RSPO3: variants seen among roughly 807,000 people sequenced by gnomAD.
The protein encoded by RSPO3 is R-spondin-3.
Under a neutral mutation model 36.5 loss-of-function variants are expected in RSPO3, and 17 were observed. The observed-to-expected ratio is 0.47, with a 90% CI of 0.32 to 0.70. The LOEUF is 0.70. Ranked by LOEUF, RSPO3 falls within the 30% of genes least tolerant of loss-of-function variation. The pLI is 0.04. For missense variants in RSPO3, 294 were observed against 322.5 expected, an observed-to-expected ratio of 0.91 and a Z score of 0.68; for synonymous variants, 108 against 107.0, an observed-to-expected ratio of 1.01 and a Z score of -0.06.
At chr6:127,166,070 T>G (rs1774815511) in intron 4 of RSPO3, among the ~76,000 whole-genome samples, 1 of 151,994 alleles carries the variant, frequency 6.6e-6, no homozygotes, top group South Asian at 2.1e-4. Context: ...CCATAGAGAA[T>G]GAATATATTA....
intron 1 of RSPO3, 77 bp downstream of exon 1, chr6:127,119,366 G>A (rs1163750640): frequency 5.7e-6 from 6 of 1,044,196 alleles, no homozygotes; most frequent in South Asian, 1.4e-5. Context: ...GTCCGGAGCC[G>A]GCTCCCAACT....
At chr6:127,193,444 C>CA (rs1025239857) in intron 4 of RSPO3, among the ~76,000 whole-genome samples, 2 of 152,164 alleles carry the variant, frequency 1.3e-5, no homozygotes, top group Non-Finnish European at 2.9e-5. Context: ...AGAACAATGT[C>CA]AAACACTGAA....
chr6:127,134,901 G>C (rs973170862), intron 1 of RSPO3, among the ~76,000 whole-genome samples: 1 of 152,174 alleles, frequency 6.6e-6, no homozygotes, highest in African/African-American at 2.4e-5. Flanking sequence ...CTGACCTAAT[G>C]AATAGCTTTC....
intron 4 of RSPO3, among the ~76,000 whole-genome samples, chr6:127,188,575 TA>T: frequency 6.6e-6 from 1 of 150,710 alleles, no homozygotes; most frequent in African/African-American, 2.5e-5. Flanking sequence ...AAATGATGTA[TA>T]ATTTTCAAGT....
At chr6:127,126,197 G>T (rs1176281973) in intron 1 of RSPO3, among the ~76,000 whole-genome samples, 1 of 152,044 alleles carries the variant, frequency 6.6e-6, no homozygotes, top group Non-Finnish European at 1.5e-5. Flanking sequence ...GAGCCAGTAG[G>T]ACGTTTAGGA....
intron 1 of RSPO3, among the ~76,000 whole-genome samples, chr6:127,145,767 G>A (rs774020207): frequency 6.6e-6 from 1 of 152,000 alleles, no homozygotes; most frequent in African/African-American, 2.4e-5. Context: ...GTTTGAAAAA[G>A]GTGATTTAGA....
intron 4 of RSPO3, among the ~76,000 whole-genome samples, chr6:127,157,625 T>G (rs1306655888): frequency 6.6e-6 from 1 of 152,112 alleles, no homozygotes; most frequent in Non-Finnish European, 1.5e-5. Context: ...AAGAGAAGTT[T>G]ATACAACTAG....
intron 3 of RSPO3, among the ~76,000 whole-genome samples, chr6:127,150,782 C>T (rs924721302): frequency 2.0e-5 from 3 of 149,920 alleles, no homozygotes; most frequent in African/African-American, 7.4e-5. Flanking sequence ...ACAGTAGGTG[C>T]TTCCTTATTT....
chr6:127,178,766 A>G (rs914495147), intron 4 of RSPO3, among the ~76,000 whole-genome samples: 11 of 151,842 alleles, frequency 7.2e-5, no homozygotes, highest in African/African-American at 2.7e-4. Flanking sequence ...TATTTCTAGG[A>G]AAGCAGACTA....
At chr6:127,141,078 T>C (rs776639584) in intron 1 of RSPO3, among the ~76,000 whole-genome samples, 1 of 152,234 alleles carries the variant, frequency 6.6e-6, no homozygotes, top group African/African-American at 2.4e-5. Flanking sequence ...TATTAACTGA[T>C]GAACATCATG....
chr6:127,195,832 G>A lies in RSPO3; in HGVS notation c.644G>A (p.Gly215Glu). Reference protein sequence around the residue: ...KCQKGERGKKGRERKRKKPNK... With the variant: ...KCQKGERGKKERERKRKKPNK... Reference sequence around the variant, plus strand: ...TATCCTTTCATTTCAGGAAAAAAAGGAAGGGAGAGGAAAAGAAAAAAACCT... The same window carrying A: ...TATCCTTTCATTTCAGGAAAAAAAGAAAGGGAGAGGAAAAGAAAAAAACCT... The change falls in exon 5 of 5, where the codon GGA becomes GAA. Residue 215 changes from glycine to glutamate, a missense_variant. Around this residue, in one of 3 missense-constraint regions of RSPO3, gnomAD observed 190 missense variants for 185.2 expected, o/e 1.03. Transcript: ENST00000356698. 6.6e-7 allele frequency: 1 copy of A among 1,522,990 alleles called. No individual in the cohort carries two copies. The highest frequency in any genetic ancestry group is 1.3e-5 in the South Asian group (1 of 76,192). The allele number at this position is 1,522,990 out of a possible 1,614,324, so 94.3% of individuals were successfully genotyped here.
chr6:127,153,927 C>G (rs1303473774), intron 3 of RSPO3, among the ~76,000 whole-genome samples: 1 of 152,052 alleles, frequency 6.6e-6, no homozygotes, highest in East Asian at 1.9e-4. Context: ...CTTAGTTACT[C>G]TATTCTTGAA....
intron 1 of RSPO3, among the ~76,000 whole-genome samples, chr6:127,138,398 T>G (rs1246980786): frequency 6.6e-6 from 1 of 152,154 alleles, no homozygotes; most frequent in South Asian, 2.1e-4. Flanking sequence ...AAGTAGCCAC[T>G]CTATGACTGT....
chr6:127,178,291 T>C (rs569635043), intron 4 of RSPO3, among the ~76,000 whole-genome samples: 1 of 151,790 alleles, frequency 6.6e-6, no homozygotes, highest in South Asian at 2.1e-4. Flanking sequence ...ACCAAACTCA[T>C]AACAGAATAT....
At chr6:127,147,554 A>G (rs930425476) in intron 1 of RSPO3, among the ~76,000 whole-genome samples, 3 of 152,166 alleles carry the variant, frequency 2.0e-5, no homozygotes, top group Admixed American at 1.3e-4. Flanking sequence ...CATCCTAAAC[A>G]CCAGCTATAT....
chr6:127,169,527 T>C (rs970863830), intron 4 of RSPO3, among the ~76,000 whole-genome samples: 21 of 151,844 alleles, frequency 1.4e-4, no homozygotes, highest in African/African-American at 4.8e-4. Context: ...CTTCCTCTTA[T>C]GTAGGAATAA....
At chr6:127,156,336 T>C (rs985596586) in intron 4 of RSPO3, among the ~76,000 whole-genome samples, 3 of 152,172 alleles carry the variant, frequency 2.0e-5, no homozygotes, top group Admixed American at 6.6e-5. Context: ...CATTTAATAA[T>C]ATGATCCTTT....
chr6:127,176,353 T>C (rs1775055640), intron 4 of RSPO3, among the ~76,000 whole-genome samples: 1 of 151,780 alleles, frequency 6.6e-6, no homozygotes, highest in South Asian at 2.1e-4. Context: ...GTTAAAGCAA[T>C]GACTAAGCAG....
At position 127,155,442 on chromosome 6, in the gene RSPO3, C is replaced by T. The variant is rs1774576441; in HGVS notation, c.634+4C>T. 6.2e-7 allele frequency: 1 copy of T among 1,611,314 alleles called. No homozygotes were observed. Among genetic ancestry groups the T allele is most frequent in the Middle Eastern group, 1.6e-4 (1 of 6,074 alleles). Reference sequence around the variant, plus strand: ...AAGTGTCAGAAGGGAGAACGAGGTACAATCATAATAACAAAATGTGCTTGT... The same window carrying T: ...AAGTGTCAGAAGGGAGAACGAGGTATAATCATAATAACAAAATGTGCTTGT... On this transcript the variant is annotated splice_donor_region_variant and intron_variant, in intron 4 of 4. Coordinates refer to ENST00000356698, the MANE Select transcript of RSPO3 (RefSeq NM_032784.5).
Sources: allele counts gnomAD v4.1 joint callset (sites outside exome capture counted in the v4.1 genomes callset), GRCh38; gene constraint gnomAD v4.1.1; regional missense constraint gnomAD v4.1.1; transcripts MANE v1.5; gene names NCBI Gene and HGNC (gene_info 2026-07-23, HGNC 2026-07-21).